The following CDH2 variants were observed in gnomAD, a reference collection of about 807,000 sequenced individuals.
CDH2 encodes cadherin 2, also known as cadherin-2.
In CDH2, 17 loss-of-function variants were observed where a neutral mutation model predicts 92.0. The observed-to-expected ratio is 0.18, with a 90% CI of 0.13 to 0.28. The LOEUF is 0.28. Among genes scored for constraint, CDH2 ranks in the 10% least tolerant of loss-of-function variants. The pLI is 1.00. For synonymous variants in CDH2, 419 were observed against 415.9 expected (o/e 1.01, Z -0.09); for missense variants, 862 against 1,133.1 (o/e 0.76, Z 3.44).
chr18:27,990,031 G>T (rs2012359816), intron 10 of CDH2, 66 bp downstream of exon 10: 1 of 1,361,846 alleles, frequency 7.3e-7, no homozygotes, highest in Non-Finnish European at 1.0e-6. Flanking sequence ...TAGTGAATTA[G>T]ATAAATTTTA....
At chr18:28,153,758 ATATG>A (rs1394461184) in intron 1 of CDH2, among the ~76,000 whole-genome samples, 1 of 152,216 alleles carries the variant, frequency 6.6e-6, no homozygotes, top group African/African-American at 2.4e-5. Context: ...AAATGAGTTA[ATATG>A]TGTAAAGCAC....
chr18:28,108,853 T>C (rs527441542), intron 2 of CDH2, among the ~76,000 whole-genome samples: 8 of 150,486 alleles, frequency 5.3e-5, no homozygotes, highest in Non-Finnish European at 1.0e-4. Context: ...TCTAAATAAA[T>C]AAAAAAACTT....
intron 1 of CDH2, among the ~76,000 whole-genome samples, chr18:28,162,921 T>C (rs1373451110): frequency 6.6e-6 from 1 of 152,198 alleles, no homozygotes; most frequent in African/African-American, 2.4e-5. Flanking sequence ...TGGCTCATAG[T>C]AAGCACTCAG....
rs894338235 is a variant in CDH2, at chr18:28,009,649, G to T, written c.702+68C>A. 2.9e-6 allele frequency: 4 copies of T among 1,399,316 alleles called. No homozygotes were observed. The Admixed American group carries it at 7.5e-5, about 26-fold the overall frequency. 86.7% of individuals were successfully genotyped at this position (1,399,316 alleles called of 1,614,324 possible). A position where few individuals can be genotyped will look rare whatever the true frequency, so the allele number is the denominator to read the frequency against. ...TGAGGCTTTCAGACTGATATAAGAGGCAATGGTAAACTCTGCAGACATTTA... is the reference window on the plus strand; with the variant it reads ...TGAGGCTTTCAGACTGATATAAGAGTCAATGGTAAACTCTGCAGACATTTA... On this transcript the variant is annotated intron_variant, in intron 5 of 15. Coordinates refer to ENST00000269141, the MANE Select transcript of CDH2 (RefSeq NM_001792.5).
intron 2 of CDH2, among the ~76,000 whole-genome samples, chr18:28,125,908 T>G (rs2015670029): frequency 6.6e-6 from 1 of 152,172 alleles, no homozygotes; most frequent in South Asian, 2.1e-4. Context: ...TTTCATCATT[T>G]TCCTTAATTT....
intron 2 of CDH2, among the ~76,000 whole-genome samples, chr18:28,040,148 C>T (rs1031968039): frequency 6.6e-6 from 1 of 152,150 alleles, no homozygotes; most frequent in African/African-American, 2.4e-5. Flanking sequence ...TGCACAGGGC[C>T]TCAGAGCGAA....
At chr18:27,963,660 T>C in intron 14 of CDH2, 139 bp from the exon 15 acceptor site, 1 of 647,042 alleles carries the variant, frequency 1.5e-6, no homozygotes. Context: ...ACTATGAGTT[T>C]TTCATGTTAT....
At chr18:28,045,383 C>T (rs1196709328) in intron 2 of CDH2, 2 of 466,442 alleles carry the variant, frequency 4.3e-6, no homozygotes, top group South Asian at 1.6e-5. Flanking sequence ...ATAAATAGCT[C>T]TCCATTGATT....
At chr18:27,967,565 T>C (rs1028730020) in intron 14 of CDH2, among the ~76,000 whole-genome samples, 10 of 152,230 alleles carry the variant, frequency 6.6e-5, no homozygotes, top group East Asian at 1.9e-4. Flanking sequence ...AATTCTCTTA[T>C]GATTGCCAAC....
At chr18:28,073,806 G>A (rs1267173810) in intron 2 of CDH2, among the ~76,000 whole-genome samples, 2 of 152,088 alleles carry the variant, frequency 1.3e-5, no homozygotes, top group Non-Finnish European at 2.9e-5. Flanking sequence ...GTGACCTTGG[G>A]AGGCATTTAC....
At chr18:28,065,081 C>T (rs1567984591) in intron 2 of CDH2, among the ~76,000 whole-genome samples, 1 of 152,150 alleles carries the variant, frequency 6.6e-6, no homozygotes, top group Non-Finnish European at 1.5e-5. Flanking sequence ...AAGTGCCATG[C>T]TCAGTGGCTA....
intron 6 of CDH2, among the ~76,000 whole-genome samples, chr18:27,934,348 A>T (rs1908972317): frequency 6.6e-6 from 1 of 152,122 alleles, no homozygotes; most frequent in South Asian, 2.1e-4. Context: ...TCTGAGTGCC[A>T]TTTTTGCTTT....
chr18:28,127,203 A>G (rs577300292), intron 2 of CDH2, among the ~76,000 whole-genome samples: 16 of 151,796 alleles, frequency 1.1e-4, no homozygotes, highest in South Asian at 4.2e-4. Flanking sequence ...TCTTTTGTAG[A>G]AAAAAAAACT....
intron 2 of CDH2, among the ~76,000 whole-genome samples, chr18:28,072,646 TA>T (rs550967361): frequency 1.3e-5 from 2 of 152,192 alleles, no homozygotes; most frequent in Non-Finnish European, 2.9e-5. Context: ...AAAAACCAAC[TA>T]AAAATTTTCC....
intron 2 of CDH2, among the ~76,000 whole-genome samples, chr18:28,115,098 C>A (rs942306801): frequency 6.6e-6 from 1 of 152,074 alleles, no homozygotes; most frequent in African/African-American, 2.4e-5. Flanking sequence ...GGGCTGAGAA[C>A]CTTGGAGTGG....
rs2014713170 is a variant in CDH2 at position 28,076,059 on chromosome 18, T to C, written c.173-62150A>G. On this transcript the variant is annotated intron_variant, in intron 2 of 15. Transcript: ENST00000269141. ...CTTCTTTAGCAATCCATTCTGCCCC[T>C]AGCATCAAAGCTTTAAAATGGAATG... Among the ~76,000 whole-genome samples, 14 of 152,282 alleles carry C rather than the reference T, an allele frequency of 9.2e-5. No individual in the cohort carries two copies. The South Asian group carries it at 2.9e-3, about 32-fold the overall frequency.
intron 2 of CDH2, among the ~76,000 whole-genome samples, chr18:28,059,016 T>C (rs773529170): frequency 2.0e-5 from 3 of 152,206 alleles, no homozygotes; most frequent in Non-Finnish European, 2.9e-5. Flanking sequence ...TTGATTTTAG[T>C]TGGTTTGATT....
At position 28,177,122 on chromosome 18, in the gene CDH2, A is replaced by C. The variant is rs1230435178; in HGVS notation, c.-100T>G. On this transcript the variant is annotated 5_prime_UTR_variant, in exon 1 of 16. Transcript: ENST00000269141. Reference sequence around the variant, plus strand: ...AGCGGCAGCACCAACAGCGGCGCGGAGAAACGGCTCCAGGCAGTTTCCACC... The same window carrying C: ...AGCGGCAGCACCAACAGCGGCGCGGCGAAACGGCTCCAGGCAGTTTCCACC... The C allele has an allele frequency of 3.6e-6, 3 of 836,670 alleles. No homozygotes were observed. The highest frequency in any genetic ancestry group is 5.4e-6 in the Non-Finnish European group (3 of 556,724). 51.8% of individuals were successfully genotyped at this position (836,670 alleles called of 1,614,324 possible). A position where few individuals can be genotyped will look rare whatever the true frequency, so the allele number is the denominator to read the frequency against.
At chr18:28,151,731 T>C (rs2016125949) in intron 1 of CDH2, among the ~76,000 whole-genome samples, 1 of 152,196 alleles carries the variant, frequency 6.6e-6, no homozygotes, top group Non-Finnish European at 1.5e-5. Flanking sequence ...CAACAAGTTA[T>C]CTGTGGGTAT....
Sources: gnomAD v4.1 joint callset for allele counts (sites outside exome capture counted in the v4.1 genomes callset) on GRCh38, gnomAD v4.1.1 for gene constraint, MANE v1.5 for transcripts, NCBI Gene and HGNC (gene_info 2026-07-23, HGNC 2026-07-21) for gene names.